Variants in ATF6 observed in about 807,000 individuals in gnomAD.
ATF6 encodes cyclic AMP-dependent transcription factor ATF-6 alpha.
Under a neutral mutation model 83.6 loss-of-function variants are expected in ATF6, and 53 were observed. The observed-to-expected ratio is 0.63, with a 90% CI of 0.51 to 0.80. The LOEUF (loss-of-function observed/expected upper bound fraction) is 0.80, where lower values mean the gene tolerates loss of function less well. ATF6 is among the 30% of genes least tolerant of loss of function. The pLI is 0.00. For synonymous variants in ATF6, 288 were observed against 285.8 expected (o/e 1.01, Z -0.08); for missense variants, 744 against 797.9 (o/e 0.93, Z 0.81).
chr1:161,874,478 A>G (rs1433811978), intron 14 of ATF6, among the ~76,000 whole-genome samples: 1 of 151,698 alleles, frequency 6.6e-6, no homozygotes, highest in Non-Finnish European at 1.5e-5. Flanking sequence ...AAATTAAAAT[A>G]TATCATACAG....
intron 15 of ATF6, among the ~76,000 whole-genome samples, chr1:161,924,048 C>T (rs1053222657): frequency 5.3e-5 from 8 of 152,090 alleles, no homozygotes; most frequent in Non-Finnish European, 8.8e-5. Flanking sequence ...TATCTTTGTA[C>T]GGGGAAATCA....
At chr1:161,922,708 G>C (rs2101896573) in intron 15 of ATF6, among the ~76,000 whole-genome samples, 1 of 152,008 alleles carries the variant, frequency 6.6e-6, no homozygotes, top group Admixed American at 6.6e-5. Context: ...GGAGCAACAA[G>C]AGAGCAGAGG....
Position 161,805,540 on chromosome 1 carries a change from T to G in ATF6, c.909+3268T>G, listed in dbSNP as rs184426869. ...TTTATTTCAAGTAAAGAAGCATTAGTCTGTCCTAGCAGCAGGCCAACCCAC... is the reference window on the plus strand; with the variant it reads ...TTTATTTCAAGTAAAGAAGCATTAGGCTGTCCTAGCAGCAGGCCAACCCAC... On this transcript the variant is annotated intron_variant, in intron 7 of 15. Coordinates refer to ENST00000367942, the MANE Select transcript of ATF6 (RefSeq NM_007348.4). Among the ~76,000 whole-genome samples, 18 of 151,062 alleles carry G rather than the reference T, an allele frequency of 1.2e-4. No homozygotes were observed. The East Asian group carries it at 3.4e-3, about 29-fold the overall frequency.
At chr1:161,936,549 G>A (rs1688539971) in intron 15 of ATF6, among the ~76,000 whole-genome samples, 1 of 152,000 alleles carries the variant, frequency 6.6e-6, no homozygotes, top group Non-Finnish European at 1.5e-5. Context: ...TCATATATTT[G>A]TATGGGATTT....
chr1:161,889,945 A>C (rs1396243196), intron 14 of ATF6, among the ~76,000 whole-genome samples: 1 of 152,256 alleles, frequency 6.6e-6, no homozygotes, highest in Non-Finnish European at 1.5e-5. Context: ...CAGAAAAGTC[A>C]CATGAATACT....
At chr1:161,883,267 C>T (rs1687356322) in intron 14 of ATF6, among the ~76,000 whole-genome samples, 1 of 151,848 alleles carries the variant, frequency 6.6e-6, no homozygotes, top group Non-Finnish European at 1.5e-5. Context: ...AGAGCTCTTC[C>T]AAACAGAAAG....
chr1:161,904,626 AACAC>A (rs141394108), intron 14 of ATF6, among the ~76,000 whole-genome samples: 17,444 of 149,818 alleles, frequency 0.12, 1,292 homozygotes, highest in Middle Eastern at 0.18. Flanking sequence ...AAAAAAACAA[AACAC>A]ACACACACAC....
intron 14 of ATF6, among the ~76,000 whole-genome samples, chr1:161,880,599 T>C (rs973904504): frequency 6.6e-6 from 1 of 152,166 alleles, no homozygotes; most frequent in African/African-American, 2.4e-5. Context: ...GTTGCTTGTA[T>C]CAGTAGTTCG....
intron 15 of ATF6, among the ~76,000 whole-genome samples, chr1:161,948,542 C>A (rs531675992): frequency 8.6e-4 from 131 of 152,176 alleles, no homozygotes; most frequent in Non-Finnish European, 1.5e-3. Context: ...GTTGTCCCCA[C>A]CTTTATTTTT....
At chr1:161,863,029 T>C (rs904624640) in intron 13 of ATF6, among the ~76,000 whole-genome samples, 169 bp from the exon 14 acceptor site, 8 of 152,208 alleles carry the variant, frequency 5.3e-5, no homozygotes, top group Non-Finnish European at 8.8e-5. Context: ...TAAAATATCC[T>C]GATCCTTGGG....
chr1:161,798,242 T>C (rs1204579867), intron 6 of ATF6, among the ~76,000 whole-genome samples: 1 of 152,198 alleles, frequency 6.6e-6, no homozygotes, highest in Non-Finnish European at 1.5e-5. Flanking sequence ...GTTCTGGACA[T>C]AGGCCTTGTC....
At chr1:161,926,430 G>C (rs12406849) in intron 15 of ATF6, among the ~76,000 whole-genome samples, 1 of 152,158 alleles carries the variant, frequency 6.6e-6, no homozygotes, top group Non-Finnish European at 1.5e-5. Context: ...TTGGGTCTCA[G>C]GGATGTGCCT....
chr1:161,823,761 C>T (rs962773074), intron 9 of ATF6, among the ~76,000 whole-genome samples: 2 of 152,124 alleles, frequency 1.3e-5, no homozygotes, highest in Non-Finnish European at 2.9e-5. Context: ...AGACTCACAT[C>T]GGTATGCAGT....
chr1:161,942,578 C>T (rs570228240), intron 15 of ATF6, among the ~76,000 whole-genome samples: 5 of 152,348 alleles, frequency 3.3e-5, no homozygotes, highest in African/African-American at 4.8e-5. Context: ...CACACAATAA[C>T]AATTACTCCC....
rs1432882556 is a variant in ATF6 at position 161,963,497 on chromosome 1, A to G, written c.*4843A>G. On this transcript the variant is annotated 3_prime_UTR_variant, in exon 16 of 16. Transcript: ENST00000367942. ...GGTAACTAAGGAGTAAATAAATCATAATTTATCATTTGCCAAGGCCAACAA... is the reference window on the plus strand; with the variant it reads ...GGTAACTAAGGAGTAAATAAATCATGATTTATCATTTGCCAAGGCCAACAA... 6.6e-6 allele frequency: 1 copy of G among 152,212 alleles called. No homozygotes were observed. Among genetic ancestry groups the G allele is most frequent in the East Asian group, 1.9e-4 (1 of 5,202 alleles). 9.4% of individuals were successfully genotyped at this position (152,212 alleles called of 1,614,324 possible).
chr1:161,874,327 C>T (rs1320780881), intron 14 of ATF6, among the ~76,000 whole-genome samples: 1 of 151,450 alleles, frequency 6.6e-6, no homozygotes, highest in Non-Finnish European at 1.5e-5. Context: ...ATGAGACTAC[C>T]CCTGCATAGT....
intron 9 of ATF6, among the ~76,000 whole-genome samples, chr1:161,832,340 A>G (rs1404326663): frequency 3.3e-5 from 5 of 152,186 alleles, no homozygotes; most frequent in African/African-American, 1.2e-4. Context: ...AATGCAGAAG[A>G]TGGGTGATTT....
chr1:161,956,079 A>C (rs1201979157), intron 15 of ATF6, among the ~76,000 whole-genome samples: 1 of 152,156 alleles, frequency 6.6e-6, no homozygotes, highest in African/African-American at 2.4e-5. Context: ...AGCTTTAAAA[A>C]ACCGCAGTTA....
intron 10 of ATF6, among the ~76,000 whole-genome samples, chr1:161,849,859 G>A (rs1055555771): frequency 2.0e-5 from 3 of 152,114 alleles, no homozygotes; most frequent in African/African-American, 4.8e-5. Flanking sequence ...GTGCACTGTG[G>A]AACTCAGTTC....
Sources: allele counts gnomAD v4.1 joint callset (sites outside exome capture counted in the v4.1 genomes callset), GRCh38; gene constraint gnomAD v4.1.1; transcripts MANE v1.5; gene names NCBI Gene and HGNC (gene_info 2026-07-23, HGNC 2026-07-21).